DNAJC22: variants seen among roughly 807,000 people sequenced by gnomAD.
DNAJC22 encodes the protein DnaJ heat shock protein family (Hsp40) member C22, also known as dnaJ homolog subfamily C member 22.
DNAJC22 carries 24 observed loss-of-function variants against 22.2 expected under a neutral mutation model. That is an observed-to-expected ratio of 1.08 (90% confidence interval 0.78 to 1.52). DNAJC22 has a LOEUF of 1.52. Ranked by LOEUF, DNAJC22 falls within the 40% of genes most tolerant of loss-of-function variation. The pLI, the probability that DNAJC22 is intolerant of heterozygous loss-of-function variation, is 0.00. For synonymous variants in DNAJC22, 160 were observed against 167.4 expected (o/e 0.96, Z 0.34); for missense variants, 434 against 421.7 (o/e 1.03, Z -0.26).
Position 49,349,494 on chromosome 12 carries a change from C to A in DNAJC22, c.622C>A (p.Leu208Ile), listed in dbSNP as rs1943749913. The A allele has an allele frequency of 6.2e-7, 1 of 1,614,244 alleles. No homozygotes were observed. The highest frequency in any genetic ancestry group is 8.5e-7 in the Non-Finnish European group (1 of 1,180,048). ...YSALCNTAATLSYVAETFGSF... is the reference protein window; with the variant it reads ...YSALCNTAATISYVAETFGSF... ...TGCCCTCTGCAACACAGCTGCCACC[C>A]TCAGCTATGTGGCAGAAACCTTTGG... is the stretch of plus-strand genomic sequence containing the variant. Residue 208 changes from leucine to isoleucine, a missense_variant, in exon 3 of 4, where the codon CTC becomes ATC. Transcript: ENST00000549441.
chr12:49,347,875 T>C lies in DNAJC22; in HGVS notation c.-338T>C, dbSNP rs1592320755. 6.6e-6 allele frequency: 1 copy of C among 152,252 alleles called. No individual in the cohort carries two copies. The highest frequency in any genetic ancestry group is 1.9e-4 in the East Asian group (1 of 5,172). 9.4% of individuals were successfully genotyped at this position (152,252 alleles called of 1,614,324 possible). On this transcript the variant is annotated 5_prime_UTR_variant, in exon 2 of 4. Transcript: ENST00000549441. Reference sequence around the variant, plus strand: ...GGCGTCTGCAGAGCCTTGCACCGAGTTTCCCCGCGAGGGCGGGCGGGAGGA... The same window carrying C: ...GGCGTCTGCAGAGCCTTGCACCGAGCTTCCCCGCGAGGGCGGGCGGGAGGA...
At position 49,347,684 on chromosome 12, in the gene DNAJC22, C is replaced by T. The variant is rs1943716097; in HGVS notation, c.-529C>T. ...CGTCCCTTGCTCCTGCCAGGCAGCC[C>T]CTCCATAGGGGCAGTCCTGTGCTGC... On this transcript the variant is annotated 5_prime_UTR_variant, in exon 2 of 4. Coordinates refer to ENST00000549441, the MANE Select transcript of DNAJC22 (RefSeq NM_001304944.2). The T allele has an allele frequency of 2.6e-5, 4 of 152,392 alleles. No individual in the cohort carries two copies. The South Asian group carries it at 8.3e-4, about 32-fold the overall frequency. 9.4% of individuals were successfully genotyped at this position (152,392 alleles called of 1,614,324 possible). A position where few individuals can be genotyped will look rare whatever the true frequency, so the allele number is the denominator to read the frequency against.
Position 49,349,022 on chromosome 12 carries a change from G to A in DNAJC22, c.150G>A (p.Trp50Ter), listed in dbSNP as rs377530792. 50 of 1,591,652 alleles carry A rather than the reference G, an allele frequency of 3.1e-5. No homozygotes were observed. Among genetic ancestry groups the A allele is most frequent in the Non-Finnish European group, 4.0e-5 (47 of 1,169,502 alleles). ...GGGLGWLWEF[W>*]KLPSFVAQAN... ...GGCTGGGCTGGCTCTGGGAGTTCTG[G>A]AAGCTCCCAAGCTTTGTAGCTCAGG... The change falls in exon 3 of 4, where the codon TGG becomes TGA. Residue 50 changes from tryptophan (W) to a stop codon, truncating the protein, a stop_gained. Coordinates refer to ENST00000549441, the MANE Select transcript of DNAJC22 (RefSeq NM_001304944.2). LOFTEE classifies it high-confidence loss of function.
chr12:49,351,206 T>G, intron 3 of DNAJC22, 111 bp from the exon 4 acceptor site: 1 of 1,552,712 alleles, frequency 6.4e-7, no homozygotes, highest in Admixed American at 2.1e-5. Context: ...CACGGGCAAG[T>G]AGAAGCCAAT....
chr12:49,348,014 G>A lies in DNAJC22; in HGVS notation c.-199G>A, dbSNP rs1943721797. ...AGACACAAAAGACAAAGTCCATTTGGATGGAAGTGGGAGCAGGGCGAGACG... is the reference window on the plus strand; with the variant it reads ...AGACACAAAAGACAAAGTCCATTTGAATGGAAGTGGGAGCAGGGCGAGACG... On this transcript the variant is annotated 5_prime_UTR_variant, in exon 2 of 4. Transcript: ENST00000549441. 1 of 152,422 alleles carries A rather than the reference G, an allele frequency of 6.6e-6. No homozygotes were observed. The highest frequency in any genetic ancestry group is 2.1e-4 in the South Asian group (1 of 4,836). The allele number at this position is 152,422 out of a possible 1,614,324, so 9.4% of individuals were successfully genotyped here.
rs1441178828 is a variant in DNAJC22, at chr12:49,351,577, G to A, written c.*75G>A. 2.5e-5 allele frequency: 36 copies of A among 1,441,814 alleles called. No individual in the cohort carries two copies. Among genetic ancestry groups the A allele is most frequent in the East Asian group, 2.3e-4 (9 of 38,580 alleles). The allele number at this position is 1,441,814 out of a possible 1,614,324, so 89.3% of individuals were successfully genotyped here. ...TTGTCCCAAATCTAGCTTTGCCCACGAATGGCATCCCAACAGAGTTAAAGA... is the reference window on the plus strand; with the variant it reads ...TTGTCCCAAATCTAGCTTTGCCCACAAATGGCATCCCAACAGAGTTAAAGA... On this transcript the variant is annotated 3_prime_UTR_variant, in exon 4 of 4. Transcript: ENST00000549441.
intron 3 of DNAJC22, 177 bp from the exon 4 acceptor site, chr12:49,351,140 T>A: frequency 7.5e-7 from 1 of 1,334,524 alleles, no homozygotes; most frequent in Non-Finnish European, 9.5e-7. Context: ...ATAATTTTTT[T>A]CTTTTATTAT....
chr12:49,351,942 G>C lies in DNAJC22; in HGVS notation c.*440G>C, dbSNP rs1053616814. ...AAGAAAAACTGCTTGCAGGGGACAT[G>C]AGAAAACAATGGGGTGAGAAAAGGT... is the stretch of plus-strand genomic sequence containing the variant. On this transcript the variant is annotated 3_prime_UTR_variant, in exon 4 of 4. Transcript: ENST00000549441. 2.0e-5 allele frequency: 3 copies of C among 152,054 alleles called. No individual in the cohort carries two copies. Among genetic ancestry groups the C allele is most frequent in the Non-Finnish European group, 4.4e-5 (3 of 68,178 alleles). The allele number at this position is 152,054 out of a possible 1,614,324, so 9.4% of individuals were successfully genotyped here.
chr12:49,350,229 A>C (rs1943762572), intron 3 of DNAJC22, among the ~76,000 whole-genome samples: 1 of 151,696 alleles, frequency 6.6e-6, no homozygotes. Context: ...GACGTGTGCC[A>C]CCACGCCCGG....
chr12:49,349,536 T>A lies in DNAJC22; in HGVS notation c.664T>A (p.Phe222Ile). The A allele has an allele frequency of 6.2e-7, 1 of 1,614,238 alleles. No homozygotes were observed. Among genetic ancestry groups the A allele is most frequent in the Non-Finnish European group, 8.5e-7 (1 of 1,180,034 alleles). ...AACCTTTGGCTCCTTCTTGAATTGG[T>A]TCAGCTTCTTCCCCCTTCTTGGCCG... ...AETFGSFLNW[F>I]SFFPLLGRLM... is the part of the protein sequence containing the mutation. Residue 222 changes from phenylalanine (F) to isoleucine (I), a missense_variant, in exon 3 of 4, where the codon TTC (phenylalanine) becomes ATC (isoleucine). By Grantham distance (21) the Phe-to-Ile change is conservative. Transcript: ENST00000549441.
In DNAJC22 at chr12:49,352,778, T is replaced by TG. The variant is rs1028557989; in HGVS notation, c.*1282dup. On this transcript the variant is annotated 3_prime_UTR_variant, in exon 4 of 4. Coordinates refer to ENST00000549441, the MANE Select transcript of DNAJC22 (RefSeq NM_001304944.2). ...CAAAAGGGAACAAGCTACTGTGGAG[T>TG]GGGGGGTAGTTCTTCCTCCTCTGCT... 1 of 151,466 alleles carries TG rather than the reference T, an allele frequency of 6.6e-6. No homozygotes were observed. Among genetic ancestry groups the TG allele is most frequent in the Admixed American group, 6.6e-5 (1 of 15,196 alleles). The allele number at this position is 151,466 out of a possible 1,614,324, so 9.4% of individuals were successfully genotyped here.
Position 49,351,457 on chromosome 12 carries a change from T to C in DNAJC22, c.981T>C (p.Tyr327=), listed in dbSNP as rs779532624. 1.3e-5 allele frequency: 21 copies of C among 1,598,142 alleles called. No homozygotes were observed. The highest frequency in any genetic ancestry group is 1.5e-5 in the Non-Finnish European group (18 of 1,174,296). Residue 327 remains tyrosine (Y), a synonymous_variant, in exon 4 of 4, where the codon TAT becomes TAC. Coordinates refer to ENST00000549441, the MANE Select transcript of DNAJC22 (RefSeq NM_001304944.2). Reference sequence around the variant, plus strand: ...ACTTCCTGGAGATCCAGGCTGCGTATGAAGTCCTGAGTCAACCCAGGAAGC... The same window carrying C: ...ACTTCCTGGAGATCCAGGCTGCGTACGAAGTCCTGAGTCAACCCAGGAAGC... The part of the protein sequence containing the change: ...QRHFLEIQAA[Y]EVLSQPRKPW...
At position 49,349,400 on chromosome 12, in the gene DNAJC22, G is replaced by A. The variant is rs371991713; in HGVS notation, c.528G>A (p.Glu176=). The A allele has an allele frequency of 1.2e-6, 2 of 1,609,512 alleles. No homozygotes were observed. The highest frequency in any genetic ancestry group is 1.7e-6 in the Non-Finnish European group (2 of 1,178,186). The change falls in exon 3 of 4, where the codon GAG becomes GAA. Residue 176 remains glutamate, a synonymous_variant. Coordinates refer to ENST00000549441, the MANE Select transcript of DNAJC22 (RefSeq NM_001304944.2). ...GCTACAAAGCTTTGGTGGCATCAGA[G>A]CCGCTCAGTGTGCGGCTCTATCGTC... ...HRRYKALVAS[E]PLSVRLYRLG...
At position 49,348,988 on chromosome 12, in the gene DNAJC22, G is replaced by C. The variant is rs780121254; in HGVS notation, c.116G>C (p.Gly39Ala). ...SHALLWMLTL[G>A]GGGLGWLWEF... ...GCCCTGCTCTGGATGCTGACCCTGG[G>C]GGGAGGTGGGCTGGGCTGGCTCTGG... The change falls in exon 3 of 4, where the codon GGG (glycine) becomes GCG (alanine). Residue 39 changes from glycine (G) to alanine (A), a missense_variant. Gly to Ala is a moderately conservative substitution (Grantham distance 60). Coordinates refer to ENST00000549441, the MANE Select transcript of DNAJC22 (RefSeq NM_001304944.2). 2.2e-5 allele frequency: 35 copies of C among 1,559,598 alleles called. No homozygotes were observed. Among genetic ancestry groups the C allele is most frequent in the African/African-American group, 8.2e-5 (6 of 73,212 alleles).
At chr12:49,350,499 T>C (rs1943768072) in intron 3 of DNAJC22, among the ~76,000 whole-genome samples, 1 of 146,884 alleles carries the variant, frequency 6.8e-6, no homozygotes, top group African/African-American at 2.5e-5. Flanking sequence ...TGATTCTTTT[T>C]TTTTTTTTTT....
intron 2 of DNAJC22, among the ~76,000 whole-genome samples, 173 bp from the exon 3 acceptor site, chr12:49,348,593 C>T (rs1050954127): frequency 1.3e-5 from 2 of 152,148 alleles, no homozygotes; most frequent in Non-Finnish European, 2.9e-5. Context: ...TCCTCTAAAT[C>T]TGGAGTCACT....
chr12:49,351,185 T>G, intron 3 of DNAJC22, 132 bp from the exon 4 acceptor site: 1 of 1,505,930 alleles, frequency 6.6e-7, no homozygotes, highest in Non-Finnish European at 8.8e-7. Flanking sequence ...CCTGAGCTGC[T>G]GGACCTTTCC....
At chr12:49,349,782 T>C in intron 3 of DNAJC22, 70 bp downstream of exon 3, 1 of 1,596,760 alleles carries the variant, frequency 6.3e-7, no homozygotes, top group Non-Finnish European at 8.5e-7. Flanking sequence ...TGTACTTTTG[T>C]CTGTTGGCCA....
chr12:49,350,494 CTT>C (rs57468642), intron 3 of DNAJC22, among the ~76,000 whole-genome samples: 72 of 108,482 alleles, frequency 6.6e-4, no homozygotes, highest in African/African-American at 2.2e-3. Context: ...CCTCTTGATT[CTT>C]TTTTTTTTTT....
Sources: allele counts gnomAD v4.1 joint callset (sites outside exome capture counted in the v4.1 genomes callset), GRCh38; gene constraint gnomAD v4.1.1; transcripts MANE v1.5; gene names NCBI Gene and HGNC (gene_info 2026-07-23, HGNC 2026-07-21).